Variants in SMOC1 observed in about 807,000 individuals in gnomAD.
SMOC1 encodes the protein SPARC-related modular calcium-binding protein 1.
In SMOC1, 22 loss-of-function variants were observed where a neutral mutation model predicts 56.3. The ratio of observed to expected loss-of-function variants is 0.39; its 90% CI spans 0.28 to 0.56. The LOEUF (loss-of-function observed/expected upper bound fraction) is 0.56. SMOC1 is among the 20% of genes least tolerant of loss of function. The pLI, the probability that SMOC1 is intolerant of heterozygous loss-of-function variation, is 0.61. For missense variants in SMOC1, 509 were observed against 565.4 expected (o/e 0.90, Z 1.01); for synonymous variants, 193 against 215.0 (o/e 0.90, Z 0.89).
intron 3 of SMOC1, among the ~76,000 whole-genome samples, chr14:69,962,124 C>T (rs1371415608): frequency 6.6e-6 from 1 of 151,998 alleles, no homozygotes; most frequent in Non-Finnish European, 1.5e-5. Context: ...TATTGAGTTA[C>T]AAGAGCTCTT....
chr14:69,982,821 G>A (rs1291766082), intron 5 of SMOC1, among the ~76,000 whole-genome samples: 4 of 152,196 alleles, frequency 2.6e-5, no homozygotes, highest in South Asian at 2.1e-4. Context: ...GGCAGCTGAC[G>A]ACCTCCATGC....
chr14:70,000,476 G>C (rs1157729177), intron 7 of SMOC1, among the ~76,000 whole-genome samples: 2 of 152,210 alleles, frequency 1.3e-5, no homozygotes, highest in Non-Finnish European at 2.9e-5. Context: ...AAGATACTGT[G>C]AAGTATTTCA....
In SMOC1 at chr14:69,879,662, C is replaced by T; in HGVS notation, c.-17C>T. ...GCGAACCCCGCTCGCTGCCGGCTGC[C>T]CAGCCTGGCTGGCACCATGCTGCCC... On this transcript the variant is annotated 5_prime_UTR_variant, in exon 1 of 12. Transcript: ENST00000361956. 6.7e-7 allele frequency: 1 copy of T among 1,495,554 alleles called. No homozygotes were observed. The allele number at this position is 1,495,554 out of a possible 1,614,324, so 92.6% of individuals were successfully genotyped here.
chr14:70,011,011 C>T (rs1885316669), intron 8 of SMOC1, 65 bp downstream of exon 8: 1 of 1,574,716 alleles, frequency 6.4e-7, no homozygotes, highest in Non-Finnish European at 8.7e-7. Context: ...GCTGGCATCT[C>T]CCAGTGTTCC....
chr14:69,996,126 G>A (rs969841542), intron 7 of SMOC1, among the ~76,000 whole-genome samples: 1 of 152,098 alleles, frequency 6.6e-6, no homozygotes. Flanking sequence ...CACTCACTTG[G>A]CCCTTAACAA....
At chr14:70,002,662 G>A (rs183396064) in intron 7 of SMOC1, among the ~76,000 whole-genome samples, 1 of 152,330 alleles carries the variant, frequency 6.6e-6, no homozygotes, top group East Asian at 1.9e-4. Flanking sequence ...ATGGTAGCAG[G>A]GCAGAGTCGG....
At chr14:70,012,978 C>T (rs1392649843) in intron 9 of SMOC1, among the ~76,000 whole-genome samples, 1 of 152,188 alleles carries the variant, frequency 6.6e-6, no homozygotes. Flanking sequence ...TTTGTGCTCC[C>T]ACAGCCCCTA....
At chr14:70,022,369 C>T (rs1566714560) in intron 10 of SMOC1, among the ~76,000 whole-genome samples, 2 of 152,152 alleles carry the variant, frequency 1.3e-5, no homozygotes, top group Non-Finnish European at 2.9e-5. Context: ...GTTAGATGTG[C>T]TTGTGACTCT....
chr14:69,920,171 A>G, intron 1 of SMOC1, among the ~76,000 whole-genome samples: 1 of 152,210 alleles, frequency 6.6e-6, no homozygotes. Flanking sequence ...GACAAAAGCC[A>G]ATGAAGCCCA....
chr14:69,903,725 A>T (rs571437653), intron 1 of SMOC1, among the ~76,000 whole-genome samples: 1 of 152,102 alleles, frequency 6.6e-6, no homozygotes, highest in African/African-American at 2.4e-5. Context: ...AATAGTCATC[A>T]CCACTCCCTA....
At chr14:70,017,174 C>T (rs1326599276) in intron 10 of SMOC1, among the ~76,000 whole-genome samples, 1 of 152,158 alleles carries the variant, frequency 6.6e-6, no homozygotes, top group Non-Finnish European at 1.5e-5. Context: ...TGGCACACAT[C>T]AGAGGGTCAA....
chr14:69,927,393 A>T (rs1271294568), intron 1 of SMOC1, among the ~76,000 whole-genome samples: 2 of 152,206 alleles, frequency 1.3e-5, no homozygotes, highest in Non-Finnish European at 2.9e-5. Flanking sequence ...ATAAGATGGT[A>T]GGAGGAGCCG....
rs1388259297 is a variant in SMOC1, at chr14:69,951,071, G to T, written c.100-1067G>T. Among the ~76,000 whole-genome samples the T allele has an allele frequency of 2.0e-5, 3 of 152,296 alleles. No homozygotes were observed. The South Asian group carries it at 6.2e-4, about 32-fold the overall frequency. On this transcript the variant is annotated intron_variant, in intron 1 of 11. Coordinates refer to ENST00000361956, the MANE Select transcript of SMOC1 (RefSeq NM_001034852.3). ...TCACTCAGCATGTCTCTGTGCCTGG[G>T]TTGGTTGGGCATTTCTCTGTCTGCA...
chr14:70,024,138 G>T (rs1885839949), intron 11 of SMOC1, among the ~76,000 whole-genome samples: 1 of 152,138 alleles, frequency 6.6e-6, no homozygotes. Flanking sequence ...CACATTCCTG[G>T]TCATAATTCA....
At chr14:69,955,011 A>G (rs977003842) in intron 3 of SMOC1, among the ~76,000 whole-genome samples, 10 of 152,174 alleles carry the variant, frequency 6.6e-5, no homozygotes. Context: ...GCCAGGCTTG[A>G]TAGTCACTGG....
intron 3 of SMOC1, among the ~76,000 whole-genome samples, chr14:69,969,689 A>C (rs991747860): frequency 1.1e-4 from 16 of 152,180 alleles, no homozygotes; most frequent in African/African-American, 3.6e-4. Flanking sequence ...TAGTTTAATA[A>C]GTTTAGGAAT....
In SMOC1 at chr14:70,030,543, G is replaced by T. The variant is rs1338771028; in HGVS notation, c.*285G>T. 9.8e-6 allele frequency: 3 copies of T among 306,514 alleles called. No homozygotes were observed. The highest frequency in any genetic ancestry group is 1.2e-5 in the Non-Finnish European group (2 of 166,486). The allele number at this position is 306,514 out of a possible 1,614,324, so 19.0% of individuals were successfully genotyped here. A position where few individuals can be genotyped will look rare whatever the true frequency, so the allele number is the denominator to read the frequency against. On this transcript the variant is annotated 3_prime_UTR_variant, in exon 12 of 12. Transcript: ENST00000361956. ...CTACTGACAACTTTTAGAGGGTTTT[G>T]GGGGGGTGGGGGAGGGTGTTGTTGG...
At chr14:69,992,656 G>T (rs1248694041) in intron 6 of SMOC1, among the ~76,000 whole-genome samples, 183 bp downstream of exon 6, 1 of 152,142 alleles carries the variant, frequency 6.6e-6, no homozygotes, top group African/African-American at 2.4e-5. Flanking sequence ...CCAGGAATTG[G>T]TACACTCTCC....
intron 1 of SMOC1, among the ~76,000 whole-genome samples, chr14:69,947,376 C>T (rs1042663476): frequency 1.8e-4 from 27 of 152,002 alleles, no homozygotes; most frequent in African/African-American, 6.3e-4. Context: ...CTCTCTGTTG[C>T]CCAGGCTGGT....
Sources: allele counts gnomAD v4.1 joint callset (sites outside exome capture counted in the v4.1 genomes callset), GRCh38; gene constraint gnomAD v4.1.1; transcripts MANE v1.5; gene names NCBI Gene and HGNC (gene_info 2026-07-23, HGNC 2026-07-21).